FAM47E: variants seen among roughly 807,000 people sequenced by gnomAD.
FAM47E encodes family with sequence similarity 47 member E, also known as protein FAM47E.
In FAM47E, 32 loss-of-function variants were observed where a neutral mutation model predicts 41.6. The observed-to-expected ratio is 0.77, with a 90% CI of 0.58 to 1.03. The LOEUF (loss-of-function observed/expected upper bound fraction) is 1.03. FAM47E is among the 50% of genes least tolerant of loss of function. FAM47E has a pLI of 0.00. For synonymous variants in FAM47E, 184 were observed against 188.7 expected (o/e 0.98, Z 0.20); for missense variants, 424 against 485.4 (o/e 0.87, Z 1.19).
At chr4:76,220,186 A>T (rs1707158898) in intron 2 of FAM47E, among the ~76,000 whole-genome samples, 1 of 152,216 alleles carries the variant, frequency 6.6e-6, no homozygotes, top group Non-Finnish European at 1.5e-5. Context: ...GAAGACAGGT[A>T]CTCAAACAAA....
upstream of FAM47E, among the ~76,000 whole-genome samples, chr4:76,247,203 A>G (rs1196804087): frequency 6.6e-6 from 1 of 152,106 alleles, no homozygotes; most frequent in East Asian, 1.9e-4. Flanking sequence ...GTTATACACT[A>G]TATGTCCTTT....
At chr4:76,258,123 A>G (rs1734264443) in intron 2 of FAM47E, among the ~76,000 whole-genome samples, 1 of 152,068 alleles carries the variant, frequency 6.6e-6, no homozygotes, top group Admixed American at 6.5e-5. Flanking sequence ...TGTGGCGCTT[A>G]TTTCCATGTG....
intron 1 of FAM47E, among the ~76,000 whole-genome samples, chr4:76,216,533 C>CT (rs1456699780): frequency 6.6e-6 from 1 of 152,194 alleles, no homozygotes; most frequent in Non-Finnish European, 1.5e-5. Context: ...GAGGTCCCTT[C>CT]TTCTCTCTTG....
At chr4:76,275,694 C>T (rs1033748901) in intron 5 of FAM47E, among the ~76,000 whole-genome samples, 26 of 152,152 alleles carry the variant, frequency 1.7e-4, no homozygotes, top group East Asian at 7.7e-4. Context: ...AAAGGCATCA[C>T]AGAAGGAATT....
intron 2 of FAM47E, among the ~76,000 whole-genome samples, chr4:76,238,207 G>T (rs958392736): frequency 1.3e-5 from 2 of 152,182 alleles, no homozygotes; most frequent in Admixed American, 6.5e-5. Flanking sequence ...ATATTCCTTT[G>T]TATCACGGTT....
intron 1 of FAM47E, among the ~76,000 whole-genome samples, chr4:76,252,132 A>G (rs1733992222): frequency 2.0e-5 from 3 of 152,040 alleles, no homozygotes; most frequent in Non-Finnish European, 4.4e-5. Flanking sequence ...CCCTCCTGCT[A>G]GCCACCCACC....
chr4:76,234,530 G>A (rs970356115), intron 2 of FAM47E: 1 of 152,166 alleles, frequency 6.6e-6, no homozygotes, highest in African/African-American at 2.4e-5. Flanking sequence ...GGAATCCTAG[G>A]TTCCACACAG....
chr4:76,263,549 A>C (rs978186324), intron 2 of FAM47E, among the ~76,000 whole-genome samples, 155 bp from the exon 3 acceptor site: 1 of 152,212 alleles, frequency 6.6e-6, no homozygotes, highest in Non-Finnish European at 1.5e-5. Flanking sequence ...ATCTATCCAT[A>C]GCACCCAGCA....
At chr4:76,276,300 G>C (rs1235876590) in intron 5 of FAM47E, among the ~76,000 whole-genome samples, 2 of 151,586 alleles carry the variant, frequency 1.3e-5, no homozygotes, top group Admixed American at 1.3e-4. Flanking sequence ...GGTGATGAGG[G>C]TCATTAAGAA....
At chr4:76,269,496 A>AG (rs2110017820) in intron 4 of FAM47E, 2 of 152,084 alleles carry the variant, frequency 1.3e-5, no homozygotes, top group East Asian at 3.9e-4. Context: ...GTGCACCTGT[A>AG]ATCCCAGCTA....
intron 5 of FAM47E, among the ~76,000 whole-genome samples, chr4:76,276,475 C>T (rs1217578657): frequency 2.0e-5 from 3 of 152,048 alleles, no homozygotes; most frequent in Non-Finnish European, 4.4e-5. Context: ...CGGGTTCAAG[C>T]GATTCTCCTG....
At chr4:76,277,724 A>G (rs1383517169) in intron 5 of FAM47E, among the ~76,000 whole-genome samples, 1 of 152,150 alleles carries the variant, frequency 6.6e-6, no homozygotes, top group Non-Finnish European at 1.5e-5. Flanking sequence ...TAATCTTCAC[A>G]ACAGCCCTGT....
Position 76,263,737 on chromosome 4 carries a change from G to C in FAM47E, c.454G>C (p.Asp152His). The change falls in exon 3 of 8, where the codon GAC becomes CAC. Residue 152 changes from aspartate to histidine, a missense_variant. Transcript: ENST00000424749. ...AAAGGTGCTGGAAGTGCTTGATCCT[G>C]ACCGGAAGCTGGAGGACACATGGGC... ...LSKVLEVLDP[D>H]RKLEDTWAYC... 6.4e-7 allele frequency: 1 copy of C among 1,551,676 alleles called. No homozygotes were observed. Among genetic ancestry groups the C allele is most frequent in the Non-Finnish European group, 8.7e-7 (1 of 1,146,892 alleles).
At chr4:76,214,352 A>T (rs763823249) in exon 1 of FAM47E, 39 of 452,870 alleles carry the variant, frequency 8.6e-5, no homozygotes, top group Non-Finnish European at 1.7e-4. Flanking sequence ...TAAGTTTGTC[A>T]CGTAAGGGGC....
intron 2 of FAM47E, among the ~76,000 whole-genome samples, chr4:76,244,604 G>A (rs1475607507): frequency 2.2e-5 from 3 of 136,408 alleles, no homozygotes; most frequent in Non-Finnish European, 4.6e-5. Context: ...GCAGTGGCGT[G>A]ATCTCAGCTC....
At chr4:76,224,622 G>A (rs1299025173) in intron 2 of FAM47E, among the ~76,000 whole-genome samples, 1 of 152,086 alleles carries the variant, frequency 6.6e-6, no homozygotes, top group African/African-American at 2.4e-5. Context: ...GAGTGCAGTG[G>A]CATGATTTTG....
rs150191582 is a variant in FAM47E at position 76,253,043 on chromosome 4, C to T, written c.74+1223C>T. ...CCCTTTGCTGTCACTTCTTTTCCCA[C>T]CCCAGCCTTGTCAATCGCTAAGCTG... On this transcript the variant is annotated intron_variant, in intron 1 of 7. Transcript: ENST00000424749. 6.6e-5 allele frequency among the ~76,000 whole-genome samples: 10 copies of T among 152,300 alleles called. No homozygotes were observed. In the East Asian group the frequency reaches 1.7e-3, roughly 26 times the overall value.
chr4:76,236,271 G>A (rs1733585274), intron 2 of FAM47E: 1 of 152,076 alleles, frequency 6.6e-6, no homozygotes, highest in African/African-American at 2.4e-5. Flanking sequence ...AATTATCTAG[G>A]TTCCTTTGCT....
chr4:76,248,074 C>T (rs569615650), upstream of FAM47E, among the ~76,000 whole-genome samples: 5 of 151,834 alleles, frequency 3.3e-5, no homozygotes, highest in East Asian at 9.7e-4. Flanking sequence ...ACCACCACGC[C>T]TGGCTAAATT....
Sources: gnomAD v4.1 joint callset for allele counts (sites outside exome capture counted in the v4.1 genomes callset) on GRCh38, gnomAD v4.1.1 for gene constraint, MANE v1.5 for transcripts, NCBI Gene and HGNC (gene_info 2026-07-23, HGNC 2026-07-21) for gene names.